KCNMA1: variants seen among roughly 807,000 people sequenced by gnomAD.
KCNMA1 encodes the protein potassium calcium-activated channel subfamily M alpha 1, also known as Calcium-activated potassium channel subunit alpha-1.
In KCNMA1, 29 loss-of-function variants were observed where a neutral mutation model predicts 140.0. The ratio of observed to expected loss-of-function variants is 0.21; its 90% CI spans 0.15 to 0.28. KCNMA1 has a LOEUF of 0.28. Ranked by LOEUF, KCNMA1 falls within the 10% of genes least tolerant of loss-of-function variation. The pLI is 1.00. For missense variants in KCNMA1, 880 were observed against 1,602.2 expected (o/e 0.55, Z 7.70); for synonymous variants, 612 against 611.9 (o/e 1.00, Z 0.00).
At chr10:77,380,220 G>A (rs2095333934) in intron 2 of KCNMA1, among the ~76,000 whole-genome samples, 1 of 152,120 alleles carries the variant, frequency 6.6e-6, no homozygotes, top group South Asian at 2.1e-4. Flanking sequence ...CTCTTCACAT[G>A]GTGGGTATCA....
chr10:76,880,323 AT>A (rs2034114019), downstream of KCNMA1, among the ~76,000 whole-genome samples: 1 of 152,048 alleles, frequency 6.6e-6, no homozygotes, highest in African/African-American at 2.4e-5. Flanking sequence ...AAAAAAAAAA[AT>A]CTAAGCAGAG....
intron 19 of KCNMA1, chr10:76,974,530 C>T (rs1382446118): frequency 1.9e-6 from 3 of 1,550,046 alleles, no homozygotes; most frequent in Admixed American, 2.0e-5. Flanking sequence ...CCTTCTTGAA[C>T]TCAAATGGAT....
chr10:76,982,409 C>A (rs114026836), intron 19 of KCNMA1, among the ~76,000 whole-genome samples: 1 of 151,928 alleles, frequency 6.6e-6, no homozygotes, highest in Non-Finnish European at 1.5e-5. Context: ...CGTATATCCC[C>A]AGATGGAGCA....
intron 20 of KCNMA1, among the ~76,000 whole-genome samples, chr10:76,957,348 C>A (rs977052759): frequency 6.6e-5 from 10 of 151,984 alleles, no homozygotes; most frequent in African/African-American, 1.9e-4. Context: ...TCAGACCAGG[C>A]CTTCCAGCTG....
intron 3 of KCNMA1, among the ~76,000 whole-genome samples, chr10:77,187,925 A>G (rs2098891177): frequency 1.3e-5 from 2 of 152,190 alleles, no homozygotes; most frequent in African/African-American, 4.8e-5. Flanking sequence ...CCCCAAATGG[A>G]AACAACCCAT....
intron 12 of KCNMA1, among the ~76,000 whole-genome samples, chr10:77,083,378 T>C (rs1236864513): frequency 6.6e-6 from 1 of 152,078 alleles, no homozygotes; most frequent in Non-Finnish European, 1.5e-5. Context: ...TTGCTTTTTT[T>C]CTGAATTAAG....
chr10:77,607,765 G>A (rs951977009), intron 1 of KCNMA1, among the ~76,000 whole-genome samples: 4 of 152,250 alleles, frequency 2.6e-5, no homozygotes, highest in African/African-American at 9.6e-5. Flanking sequence ...AAAAGCCCAG[G>A]GAAACTGATT....
intron 5 of KCNMA1, among the ~76,000 whole-genome samples, chr10:77,165,231 A>G (rs1375988184): frequency 2.0e-5 from 3 of 152,324 alleles, no homozygotes; most frequent in East Asian, 1.9e-4. Flanking sequence ...TTGCCCCCCA[A>G]GAGGAAAGAA....
intron 25 of KCNMA1, chr10:76,902,032 A>G (rs2045686685): frequency 6.6e-6 from 1 of 152,242 alleles, no homozygotes; most frequent in Non-Finnish European, 1.5e-5. Flanking sequence ...GGTCAGTCAT[A>G]TTGGAGGATG....
intron 1 of KCNMA1, among the ~76,000 whole-genome samples, chr10:77,540,875 C>T (rs2060017433): frequency 6.6e-6 from 1 of 152,010 alleles, no homozygotes; most frequent in Non-Finnish European, 1.5e-5. Flanking sequence ...TGTGGTGGTG[C>T]ACGCCTGTAA....
intron 1 of KCNMA1, among the ~76,000 whole-genome samples, chr10:77,558,348 A>T (rs779450815): frequency 2.6e-5 from 4 of 152,326 alleles, no homozygotes; most frequent in Non-Finnish European, 5.9e-5. Context: ...CTGCACGCCA[A>T]GCTGGGTGTA....
intron 1 of KCNMA1, among the ~76,000 whole-genome samples, chr10:77,595,346 C>CAAA (rs138290466): frequency 1.2e-4 from 7 of 58,216 alleles, no homozygotes; most frequent in African/African-American, 4.1e-4. Flanking sequence ...GACTCTGTCT[C>CAAA]AAAAAAAAAA....
At chr10:77,624,768 G>A (rs535720008) in intron 1 of KCNMA1, among the ~76,000 whole-genome samples, 3 of 152,010 alleles carry the variant, frequency 2.0e-5, no homozygotes, top group Admixed American at 6.6e-5. Context: ...TCAAAAATCC[G>A]GCGCTCCCTT....
At chr10:77,163,531 G>A (rs1360139832) in intron 5 of KCNMA1, among the ~76,000 whole-genome samples, 1 of 152,180 alleles carries the variant, frequency 6.6e-6, no homozygotes, top group East Asian at 1.9e-4. Context: ...TGCGTGCAGT[G>A]CTCTGTCCCA....
intron 2 of KCNMA1, among the ~76,000 whole-genome samples, chr10:77,302,322 C>A (rs1034484127): frequency 6.6e-6 from 1 of 152,132 alleles, no homozygotes; most frequent in Non-Finnish European, 1.5e-5. Context: ...TTGCTGCCCA[C>A]CCCCATACTG....
At chr10:77,207,572 C>G (rs2044548235) in intron 3 of KCNMA1, among the ~76,000 whole-genome samples, 1 of 152,170 alleles carries the variant, frequency 6.6e-6, no homozygotes, top group Non-Finnish European at 1.5e-5. Flanking sequence ...GAACTAAGAT[C>G]AGAATCCCCT....
rs56926398 is a variant in KCNMA1 at position 77,117,539 on chromosome 10, CAAAAAA to C, written c.884+3428_884+3433del. On this transcript the variant is annotated intron_variant, in intron 6 of 27. Coordinates refer to ENST00000286628, the MANE Select transcript of KCNMA1 (RefSeq NM_001161352.2). ...TGGACAACAGAGCAAGAGTCTATCT[CAAAAAA>C]AAAAAAAAAAAAAAAAAAAAGAAAA... Among the ~76,000 whole-genome samples the C allele has an allele frequency of 2.6e-3, 59 of 22,508 alleles. No individual in the cohort carries two copies. In the South Asian group the frequency reaches 0.037, roughly 14 times the overall value. 14.8% of individuals were successfully genotyped at this position (22,508 alleles called of 152,430 possible). A position where few individuals can be genotyped will look rare whatever the true frequency, so the allele number is the denominator to read the frequency against.
At chr10:77,321,226 C>T (rs11002118) in intron 2 of KCNMA1, among the ~76,000 whole-genome samples, 39,692 of 152,086 alleles carry the variant, frequency 0.26, 6,543 homozygotes, top group Non-Finnish European at 0.38. Flanking sequence ...TTGTGGAGTC[C>T]GTGGCTTCAC....
At chr10:77,075,470 T>C (rs989891792) in intron 13 of KCNMA1, among the ~76,000 whole-genome samples, 9 of 152,230 alleles carry the variant, frequency 5.9e-5, no homozygotes, top group South Asian at 2.1e-4. Flanking sequence ...TGAACCTTCA[T>C]GGCACCTTCA....
Sources: allele counts gnomAD v4.1 joint callset (sites outside exome capture counted in the v4.1 genomes callset), GRCh38; gene constraint gnomAD v4.1.1; transcripts MANE v1.5; gene names NCBI Gene and HGNC (gene_info 2026-07-23, HGNC 2026-07-21).